Variants in BCL2L1 observed in about 807,000 individuals in gnomAD.
BCL2L1 encodes bcl-2-like protein 1.
Under a neutral mutation model 18.7 loss-of-function variants are expected in BCL2L1, and 1 was observed. The ratio of observed to expected loss-of-function variants is 0.05; its 90% CI spans 0.02 to 0.25. The LOEUF is 0.25. Ranked by LOEUF, BCL2L1 falls within the 10% of genes least tolerant of loss-of-function variation. The pLI, the probability that BCL2L1 is intolerant of heterozygous loss-of-function variation, is 1.00. For missense variants in BCL2L1, 207 were observed against 304.9 expected (o/e 0.68, Z 2.39); for synonymous variants, 103 against 122.7 (o/e 0.84, Z 1.06).
At chr20:31,677,442 C>T (rs916427138) in intron 2 of BCL2L1, among the ~76,000 whole-genome samples, 4 of 152,160 alleles carry the variant, frequency 2.6e-5, no homozygotes, top group Non-Finnish European at 2.9e-5. Context: ...CCTCGGCCCC[C>T]CAAAGTGCTG....
At chr20:31,674,213 G>A (rs555050394) in intron 2 of BCL2L1, among the ~76,000 whole-genome samples, 20 of 152,270 alleles carry the variant, frequency 1.3e-4, no homozygotes, top group Admixed American at 1.3e-3. Flanking sequence ...GACTTCAGCA[G>A]CAGCGCACAC....
chr20:31,703,066 CAG>C (rs975949200), intron 2 of BCL2L1, among the ~76,000 whole-genome samples: 1 of 151,188 alleles, frequency 6.6e-6, no homozygotes, highest in African/African-American at 2.4e-5. Flanking sequence ...TTTTTTGAGA[CAG>C]AGTTTTGCTC....
intron 2 of BCL2L1, chr20:31,713,637 C>G (rs2061485092): frequency 1.0e-6 from 1 of 963,038 alleles, no homozygotes; most frequent in Admixed American, 6.2e-5. Context: ...CAGACGGTCC[C>G]AAAGGCAGTT....
intron 2 of BCL2L1, among the ~76,000 whole-genome samples, chr20:31,709,981 C>G (rs1482693401): frequency 6.6e-6 from 1 of 152,144 alleles, no homozygotes; most frequent in African/African-American, 2.4e-5. Flanking sequence ...CCACCACGCC[C>G]AGCCACAGCC....
At chr20:31,691,679 A>G (rs993068897) in intron 2 of BCL2L1, among the ~76,000 whole-genome samples, 2 of 152,176 alleles carry the variant, frequency 1.3e-5, no homozygotes, top group Non-Finnish European at 2.9e-5. Flanking sequence ...AAGTATTAGT[A>G]TTCAAAATAC....
rs1388830388 is a variant in BCL2L1, at chr20:31,683,767, C to T, written c.565-17681G>A. Reference sequence around the variant, plus strand: ...CTGGGCAACAAGAGTGAAACTCCATCTCAAAAAAAAAAAAAAAAAAAAAAA... The same window carrying T: ...CTGGGCAACAAGAGTGAAACTCCATTTCAAAAAAAAAAAAAAAAAAAAAAA... On this transcript the variant is annotated intron_variant, in intron 2 of 2. Transcript: ENST00000307677. 1.1e-4 allele frequency among the ~76,000 whole-genome samples: 6 copies of T among 54,088 alleles called. No homozygotes were observed. The Admixed American group carries it at 1.8e-3, about 16-fold the overall frequency. The allele number at this position is 54,088 out of a possible 152,430, so 35.5% of individuals were successfully genotyped here. A position where few individuals can be genotyped will look rare whatever the true frequency, so the allele number is the denominator to read the frequency against.
intron 2 of BCL2L1, among the ~76,000 whole-genome samples, chr20:31,691,832 C>T (rs2061080962): frequency 6.6e-6 from 1 of 152,128 alleles, no homozygotes; most frequent in Non-Finnish European, 1.5e-5. Context: ...CTGAGAAATG[C>T]AAATTAAAAC....
chr20:31,713,427 C>T lies in BCL2L1; in HGVS notation c.564+8228G>A, dbSNP rs1045368262. On this transcript the variant is annotated intron_variant, in intron 2 of 2. Transcript: ENST00000307677. ...GCGGACCTCTAGGGACATTGCTTTC[C>T]AGTTTCCACACTCTTGCCGGCAGGG... The T allele has an allele frequency of 1.3e-5, 13 of 985,326 alleles. No individual in the cohort carries two copies. In the African/African-American group the frequency reaches 2.1e-4, roughly 16 times the overall value. 61.0% of individuals were successfully genotyped at this position (985,326 alleles called of 1,614,324 possible).
chr20:31,673,645 T>C (rs1203816447), intron 2 of BCL2L1, among the ~76,000 whole-genome samples: 4 of 152,114 alleles, frequency 2.6e-5, no homozygotes, highest in Admixed American at 1.3e-4. Flanking sequence ...AGTGAGACCC[T>C]GTCTCAAAAA....
chr20:31,720,503 G>T, intron 2 of BCL2L1: 1 of 983,728 alleles, frequency 1.0e-6, no homozygotes. Context: ...ATTCACTGAA[G>T]AGCAAAACTT....
rs777097751 is a variant in BCL2L1, at chr20:31,672,112, G to GA, written c.565-6027dup. On this transcript the variant is annotated intron_variant, in intron 2 of 2. Coordinates refer to ENST00000307677, the MANE Select transcript of BCL2L1 (RefSeq NM_138578.3). ...TACTGGGAAGCAGAGAGGATAACAA[G>GA]AAAAAAAAAAGATAATTTTAGAGAT... Among the ~76,000 whole-genome samples, 649 of 146,426 alleles carry GA rather than the reference G, an allele frequency of 4.4e-3. 3 individuals are homozygous for GA. The highest frequency in any genetic ancestry group is 0.01 in the Middle Eastern group (3 of 288).
At chr20:31,698,797 C>T (rs2061230321) in intron 2 of BCL2L1, among the ~76,000 whole-genome samples, 1 of 152,192 alleles carries the variant, frequency 6.6e-6, no homozygotes, top group African/African-American at 2.4e-5. Flanking sequence ...GCCTCAGCCT[C>T]CTAAAGTGCT....
At chr20:31,676,859 G>T (rs1338065729) in intron 2 of BCL2L1, among the ~76,000 whole-genome samples, 9 of 152,078 alleles carry the variant, frequency 5.9e-5, no homozygotes, top group Non-Finnish European at 1.3e-4. Flanking sequence ...TTCCTGGGTG[G>T]GACATTTCAT....
intron 2 of BCL2L1, chr20:31,721,090 A>T (rs1424500303): frequency 3.2e-6 from 2 of 618,790 alleles, no homozygotes; most frequent in Non-Finnish European, 4.0e-6. Flanking sequence ...ATTCTCAGCC[A>T]TTCAACCCAG....
chr20:31,704,097 C>G (rs1345175160), intron 2 of BCL2L1, among the ~76,000 whole-genome samples: 3 of 146,192 alleles, frequency 2.1e-5, no homozygotes, highest in Non-Finnish European at 4.4e-5. Flanking sequence ...TGCACCCGGC[C>G]CTAAACCTTT....
intron 2 of BCL2L1, among the ~76,000 whole-genome samples, chr20:31,710,592 T>C (rs1173276503): frequency 6.6e-6 from 1 of 152,146 alleles, no homozygotes; most frequent in Non-Finnish European, 1.5e-5. Flanking sequence ...AGGTTGATGA[T>C]ACAGGCTGAG....
chr20:31,684,172 A>G (rs1042851179), intron 2 of BCL2L1, among the ~76,000 whole-genome samples: 1 of 152,170 alleles, frequency 6.6e-6, no homozygotes, highest in Non-Finnish European at 1.5e-5. Context: ...CAGGGTGTGG[A>G]CAAAGAGACT....
At chr20:31,697,439 TTTC>T (rs1175436746) in intron 2 of BCL2L1, among the ~76,000 whole-genome samples, 6 of 151,856 alleles carry the variant, frequency 4.0e-5, no homozygotes, top group Non-Finnish European at 4.4e-5. Context: ...AACAGGTGAC[TTTC>T]TTTTTTTTTT....
intron 2 of BCL2L1, among the ~76,000 whole-genome samples, chr20:31,703,545 G>C (rs868239855): frequency 6.7e-6 from 1 of 149,896 alleles, no homozygotes; most frequent in African/African-American, 2.5e-5. Context: ...AGGCTGGCGT[G>C]CAGTGGTGCA....
Sources: allele counts gnomAD v4.1 joint callset (sites outside exome capture counted in the v4.1 genomes callset), GRCh38; gene constraint gnomAD v4.1.1; transcripts MANE v1.5; gene names NCBI Gene and HGNC (gene_info 2026-07-23, HGNC 2026-07-21).